The following SPEG variants were observed in gnomAD, a reference collection of about 807,000 sequenced individuals.
SPEG encodes striated muscle preferentially expressed protein kinase.
In SPEG, 114 loss-of-function variants were observed where a neutral mutation model predicts 300.4. The observed-to-expected ratio is 0.38, with a 90% confidence interval of 0.33 to 0.44. The LOEUF is 0.44. Among genes scored for constraint, SPEG ranks in the 20% least tolerant of loss-of-function variants. The pLI is 1.00. For missense variants in SPEG, 4,201 were observed against 4,586.2 expected (o/e 0.92, Z 2.43); for synonymous variants, 1,964 against 2,018.9 (o/e 0.97, Z 0.73).
At chr2:219,463,594 G>A (rs1690956705) in intron 8 of SPEG, among the ~76,000 whole-genome samples, 1 of 151,044 alleles carries the variant, frequency 6.6e-6, no homozygotes, top group African/African-American at 2.4e-5. Flanking sequence ...TGTATTTTTT[G>A]TAGAGGCAGG....
chr2:219,443,771 T>A lies in SPEG; in HGVS notation c.389-882T>A. 2.8e-6 allele frequency: 1 copy of A among 363,114 alleles called. No homozygotes were observed. Among genetic ancestry groups the A allele is most frequent in the Non-Finnish European group, 5.5e-6 (1 of 182,706 alleles). The allele number at this position is 363,114 out of a possible 1,614,324, so 22.5% of individuals were successfully genotyped here. A position where few individuals can be genotyped will look rare whatever the true frequency, so the allele number is the denominator to read the frequency against. On this transcript the variant is annotated intron_variant, in intron 1 of 40. Coordinates refer to ENST00000312358, the MANE Select transcript of SPEG (RefSeq NM_005876.5). The surrounding 1 kb of genome is among the most constrained non-coding windows in gnomAD (Gnocchi z 4.6). Reference sequence around the variant, plus strand: ...GTGTGTGTGTGTGTGTGCATGTGTGTGTGTGGCCAGTGGCAGCACCAGTAA... The same window carrying A: ...GTGTGTGTGTGTGTGTGCATGTGTGAGTGTGGCCAGTGGCAGCACCAGTAA...
At chr2:219,441,453 T>G in intron 1 of SPEG, 1 of 465,012 alleles carries the variant, frequency 2.2e-6, no homozygotes, top group Non-Finnish European at 4.4e-6. Context: ...ACCCTTGCCC[T>G]GCGTTTGACC....
At position 219,485,055 on chromosome 2, in the gene SPEG, C is replaced by A; in HGVS notation, c.7592C>A (p.Ala2531Asp). 6.5e-7 allele frequency: 1 copy of A among 1,532,522 alleles called. No individual in the cohort carries two copies. The allele number at this position is 1,532,522 out of a possible 1,614,324, so 94.9% of individuals were successfully genotyped here. The change falls in exon 30 of 41, where the codon GCC becomes GAC. Residue 2531 changes from alanine to aspartate, a missense_variant. Ala to Asp is a moderately radical substitution (Grantham distance 126). Coordinates refer to ENST00000312358, the MANE Select transcript of SPEG (RefSeq NM_005876.5). ...SAESLGSEAS[A>D]TSGSSAPGES... Reference sequence around the variant, plus strand: ...GAGTCCCTGGGCTCCGAGGCCAGCGCCACGTCGGGCTCCTCAGGTGAGGAG... The same window carrying A: ...GAGTCCCTGGGCTCCGAGGCCAGCGACACGTCGGGCTCCTCAGGTGAGGAG...
chr2:219,493,495 T>C lies in SPEG; in HGVS notation c.*709T>C, dbSNP rs578248412. ...TGGCCTCTGGCCTTCTTCCCATTCA[T>C]ATTTATTTATTTATTGACTTTTATG... On this transcript the variant is annotated 3_prime_UTR_variant, in exon 41 of 41. Coordinates refer to ENST00000312358, the MANE Select transcript of SPEG (RefSeq NM_005876.5). The C allele has an allele frequency of 1.6e-4, 74 of 450,510 alleles. No individual in the cohort carries two copies. The highest frequency in any genetic ancestry group is 2.0e-4 in the Non-Finnish European group (44 of 222,940). The allele number at this position is 450,510 out of a possible 1,614,324, so 27.9% of individuals were successfully genotyped here.
rs764883121 is a variant in SPEG at position 219,456,765 on chromosome 2, C to T, written c.2440+4958C>T. On this transcript the variant is annotated intron_variant, in intron 6 of 40. Coordinates refer to ENST00000312358, the MANE Select transcript of SPEG (RefSeq NM_005876.5). ...TCTACCAAAAATACAAAAAATTAGC[C>T]GGGTGTGGTGATGGACGTCTCTAAT... Among the ~76,000 whole-genome samples the T allele has an allele frequency of 5.3e-5, 8 of 151,908 alleles. No homozygotes were observed. The East Asian group carries it at 7.8e-4, about 15-fold the overall frequency.
chr2:219,440,649 C>T (rs765062907), intron 1 of SPEG, among the ~76,000 whole-genome samples: 4 of 151,854 alleles, frequency 2.6e-5, no homozygotes, highest in Non-Finnish European at 5.9e-5. Context: ...TACAGTGGTG[C>T]GATCTCTGCT....
At position 219,481,923 on chromosome 2, in the gene SPEG, G is replaced by C. The variant is rs3731907; in HGVS notation, c.5565+243G>C. ...ATACATACTGGACTCCAGGGCATAC[G>C]TCTGGACCTCTCCATCCTGGGCGTC... On this transcript the variant is annotated intron_variant, in intron 28 of 40. Transcript: ENST00000312358. This position sits in a 1 kb window ranked among gnomAD's most constrained non-coding sequence, Gnocchi z 5.4. The C allele has an allele frequency of 7.1e-3, 4,239 of 593,388 alleles. 87 individuals are homozygous for C. Among genetic ancestry groups the C allele is most frequent in the East Asian group, 0.053 (1,885 of 35,494 alleles). The allele number at this position is 593,388 out of a possible 1,614,324, so 36.8% of individuals were successfully genotyped here.
chr2:219,446,561 T>C (rs775494874), intron 3 of SPEG, among the ~76,000 whole-genome samples: 4 of 152,238 alleles, frequency 2.6e-5, no homozygotes, highest in Non-Finnish European at 5.9e-5. Flanking sequence ...GGTGGGTCTG[T>C]CATGTGGGTG....
rs1052089691 is a variant in SPEG, at chr2:219,478,366, C to T, written c.5027+261C>T. Reference sequence around the variant, plus strand: ...TATTTAATCCCATATATTCCTATCTCCTGGAATTTTATTATTAACTTGTAT... The same window carrying T: ...TATTTAATCCCATATATTCCTATCTTCTGGAATTTTATTATTAACTTGTAT... On this transcript the variant is annotated intron_variant, in intron 22 of 40. Transcript: ENST00000312358. 2.6e-5 allele frequency among the ~76,000 whole-genome samples: 4 copies of T among 152,156 alleles called. No individual in the cohort carries two copies. In the East Asian group the frequency reaches 7.7e-4, roughly 29 times the overall value.
intron 1 of SPEG, among the ~76,000 whole-genome samples, chr2:219,437,625 G>A (rs552058747): frequency 4.9e-5 from 5 of 103,036 alleles, no homozygotes; most frequent in Admixed American, 1.9e-4. Flanking sequence ...ATAGAAGGTG[G>A]CAGAACAGGT....
chr2:219,477,216 C>CAGGGCCTGGTACAGCGGCT lies in SPEG; in HGVS notation c.4561-61_4561-60insAGGGCCTGGTACAGCGGCT, dbSNP rs376344559. 12 of 1,467,290 alleles carry CAGGGCCTGGTACAGCGGCT rather than the reference C, an allele frequency of 8.2e-6. No individual in the cohort carries two copies. Among genetic ancestry groups the CAGGGCCTGGTACAGCGGCT allele is most frequent in the Middle Eastern group, 2.2e-4 (1 of 4,502 alleles). The allele number at this position is 1,467,290 out of a possible 1,614,324, so 90.9% of individuals were successfully genotyped here. ...GCGCTGCCCAGAGTAGGAGATGAGG[C>CAGGGCCTGGTACAGCGGCT]CCTGGCCCCAAGGTAGAGATGAGGC... On this transcript the variant is annotated intron_variant, in intron 19 of 40. Coordinates refer to ENST00000312358, the MANE Select transcript of SPEG (RefSeq NM_005876.5). The surrounding 1 kb of genome is among the most constrained non-coding windows in gnomAD (Gnocchi z 6.4).
In SPEG at chr2:219,458,158, T is replaced by C. The variant is rs1214323987; in HGVS notation, c.2441-3724T>C. On this transcript the variant is annotated intron_variant, in intron 6 of 40. Coordinates refer to ENST00000312358, the MANE Select transcript of SPEG (RefSeq NM_005876.5). This position sits in a 1 kb window ranked among gnomAD's most constrained non-coding sequence, Gnocchi z 4.2. Reference sequence around the variant, plus strand: ...CTGGACAGTTAGGGGCTGTGTGGACTGCAGAGCTGTATGTGAGGTGGCAGT... The same window carrying C: ...CTGGACAGTTAGGGGCTGTGTGGACCGCAGAGCTGTATGTGAGGTGGCAGT... Among the ~76,000 whole-genome samples the C allele has an allele frequency of 2.0e-5, 3 of 152,178 alleles. No homozygotes were observed. Among genetic ancestry groups the C allele is most frequent in the African/African-American group, 7.2e-5 (3 of 41,458 alleles).
Position 219,477,579 on chromosome 2 carries a change from C to T in SPEG, c.4730-110C>T. 5 of 1,363,100 alleles carry T rather than the reference C, an allele frequency of 3.7e-6. No individual in the cohort carries two copies. The highest frequency in any genetic ancestry group is 1.4e-5 in the South Asian group (1 of 69,738). 84.4% of individuals were successfully genotyped at this position (1,363,100 alleles called of 1,614,324 possible). On this transcript the variant is annotated intron_variant, in intron 20 of 40. Coordinates refer to ENST00000312358, the MANE Select transcript of SPEG (RefSeq NM_005876.5). The surrounding 1 kb of genome is among the most constrained non-coding windows in gnomAD (Gnocchi z 6.4). The stretch of plus-strand genomic sequence containing the variant: ...CCCAGCCCAGCACCCCGCCTTGAGC[C>T]CCCAACATTCTTGCACCTCTTCTCT...
Position 219,485,426 on chromosome 2 carries a change from T to A in SPEG, c.7690T>A (p.Ser2564Thr). The part of the protein sequence containing the change: ...KDKGLSPPNL[S>T]ASVQEELGHQ... ...CAAGGGGTTATCGCCACCAAACCTC[T>A]CTGCCAGCGTCCAGGAGGAGTTGGG... The change falls in exon 31 of 41, where the codon TCT becomes ACT. Residue 2564 changes from serine to threonine, a missense_variant. By Grantham distance (58) the Ser-to-Thr change is moderately conservative (BLOSUM62 1). This residue lies in a region of SPEG where 1,578 missense variants were observed against 1,506.0 expected (regional missense o/e 1.05). Coordinates refer to ENST00000312358, the MANE Select transcript of SPEG (RefSeq NM_005876.5). The A allele has an allele frequency of 1.2e-6, 2 of 1,605,128 alleles. No individual in the cohort carries two copies. The highest frequency in any genetic ancestry group is 1.7e-6 in the Non-Finnish European group (2 of 1,175,464).
At chr2:219,487,217 C>T (rs1693518245) in intron 31 of SPEG, among the ~76,000 whole-genome samples, 1 of 152,232 alleles carries the variant, frequency 6.6e-6, no homozygotes, top group South Asian at 2.1e-4. Context: ...CACAGGCTGG[C>T]TACATTGGAG....
At chr2:219,454,001 A>G (rs1018504362) in intron 6 of SPEG, among the ~76,000 whole-genome samples, 4 of 152,190 alleles carry the variant, frequency 2.6e-5, no homozygotes, top group Non-Finnish European at 5.9e-5. Context: ...AGAGGGAGGC[A>G]GTGGGCAGTG....
rs571969382 is a variant in SPEG at position 219,482,698 on chromosome 2, G to A, written c.5566-86G>A. ...TCGATCCACTCTCTCCTGCCACCCC[G>A]CCCCATGGACTTTGTCTCTCTGTTG... is the stretch of plus-strand genomic sequence containing the variant. On this transcript the variant is annotated intron_variant, in intron 28 of 40. Transcript: ENST00000312358. 110 of 1,205,342 alleles carry A rather than the reference G, an allele frequency of 9.1e-5. 1 individual carries two copies. In the South Asian group the frequency reaches 9.6e-4, roughly 10 times the overall value. 74.7% of individuals were successfully genotyped at this position (1,205,342 alleles called of 1,614,324 possible). A position where few individuals can be genotyped will look rare whatever the true frequency, so the allele number is the denominator to read the frequency against.
chr2:219,476,632 T>G (rs1306703321), intron 18 of SPEG, among the ~76,000 whole-genome samples: 1 of 152,028 alleles, frequency 6.6e-6, no homozygotes, highest in Admixed American at 6.6e-5. Flanking sequence ...TGTGCCAGGT[T>G]TCCTCAGATT....
chr2:219,489,544 C>G lies in SPEG; in HGVS notation c.8526C>G (p.Pro2842=). The G allele has an allele frequency of 1.2e-6, 2 of 1,613,596 alleles. No homozygotes were observed. The highest frequency in any genetic ancestry group is 2.2e-5 in the South Asian group (2 of 91,046). Residue 2842 remains proline (P), a synonymous_variant, in exon 36 of 41, where the codon CCC becomes CCG. Transcript: ENST00000312358. ...CGCTCAAGGCTGTGGGTCCACCACCCCAAACCCCTCCACGAAGACACAGGG... is the reference window on the plus strand; with the variant it reads ...CGCTCAAGGCTGTGGGTCCACCACCGCAAACCCCTCCACGAAGACACAGGG... The part of the protein sequence containing the change: ...LSSLKAVGPP[P]QTPPRRHRGL...
Sources: allele counts gnomAD v4.1 joint callset (sites outside exome capture counted in the v4.1 genomes callset), GRCh38; gene constraint gnomAD v4.1.1; regional missense constraint gnomAD v4.1.1; non-coding constraint Gnocchi (gnomAD v3.1); transcripts MANE v1.5; gene names NCBI Gene and HGNC (gene_info 2026-07-23, HGNC 2026-07-21).